Variants in MTRR observed in about 807,000 individuals in gnomAD.
The protein encoded by MTRR is 5-methyltetrahydrofolate-homocysteine methyltransferase reductase.
MTRR carries 63 observed loss-of-function variants against 79.2 expected under a neutral mutation model. That is an observed-to-expected ratio of 0.80 (90% CI 0.65 to 0.98). MTRR has a LOEUF of 0.98. MTRR is among the 50% of genes least tolerant of loss of function. The probability of loss-of-function intolerance (pLI) is 0.00; values close to 1 mark genes in which losing one functional copy is unlikely to be tolerated. For synonymous variants in MTRR, 355 were observed against 313.3 expected, an observed-to-expected ratio of 1.13 and a Z score of -1.41; for missense variants, 895 against 839.6, an observed-to-expected ratio of 1.07 and a Z score of -0.82.
intron 14 of MTRR, among the ~76,000 whole-genome samples, chr5:7,898,335 C>T (rs1237552945): frequency 2.6e-5 from 4 of 152,124 alleles, no homozygotes; most frequent in Non-Finnish European, 4.4e-5. Flanking sequence ...TTGTACAGAT[C>T]ACAGATATCT....
At chr5:7,883,498 C>T (rs1336006393) in intron 6 of MTRR, among the ~76,000 whole-genome samples, 1 of 122,664 alleles carries the variant, frequency 8.2e-6, no homozygotes, top group South Asian at 2.7e-4. Flanking sequence ...TGCTTGGTTA[C>T]ATATGCTGAG....
Position 7,869,201 on chromosome 5 carries a change from G to C in MTRR, c.-40G>C, listed in dbSNP as rs1259394820. 1.9e-6 allele frequency: 3 copies of C among 1,608,740 alleles called. No homozygotes were observed. Among genetic ancestry groups the C allele is most frequent in the East Asian group, 2.2e-5 (1 of 44,862 alleles). On this transcript the variant is annotated 5_prime_UTR_variant, in exon 1 of 15. Transcript: ENST00000440940. ...GTCGCGTTGTGCAGGTTCGTGCCCG[G>C]CTGGCGCGGCGTGGGTAAGCTGCCT...
At chr5:7,889,428 T>C (rs1737183007) in intron 9 of MTRR, among the ~76,000 whole-genome samples, 153 bp downstream of exon 9, 1 of 152,184 alleles carries the variant, frequency 6.6e-6, no homozygotes, top group African/African-American at 2.4e-5. Flanking sequence ...GATTGGTAAG[T>C]AAACATCTTA....
chr5:7,862,811 T>C (rs955919581), intron 2 of MTRR: 51 of 1,603,538 alleles, frequency 3.2e-5, no homozygotes, highest in Non-Finnish European at 4.3e-5. Flanking sequence ...CAAAACTCCT[T>C]ATACTACTTA....
chr5:7,891,903 G>A (rs1056502900), intron 10 of MTRR, among the ~76,000 whole-genome samples: 16 of 152,092 alleles, frequency 1.1e-4, no homozygotes, highest in South Asian at 6.2e-4. Context: ...TTAGCCGGGC[G>A]TGGTGGCAGG....
chr5:7,899,954 G>A lies in MTRR; in HGVS notation c.1993G>A (p.Val665Met). 8.7e-6 allele frequency: 14 copies of A among 1,614,164 alleles called. No individual in the cohort carries two copies. The highest frequency in any genetic ancestry group is 1.2e-5 in the Non-Finnish European group (14 of 1,180,026). ...GGCCAAGGATGTACATGATGCCCTT[G>A]TGCAAATAATAAGCAAAGAGGTTGG... ...NMAKDVHDALVQIISKEVGVE... is the reference protein window; with the variant it reads ...NMAKDVHDALMQIISKEVGVE... Residue 665 changes from valine (V) to methionine (M), a missense_variant, in exon 15 of 15, where the codon GTG (valine) becomes ATG (methionine). Val to Met is a conservative substitution (Grantham distance 21). Transcript: ENST00000440940.
In MTRR at chr5:7,900,708, ATTAC is replaced by A. The variant is rs1216449749; in HGVS notation, c.*653_*656del. The A allele has an allele frequency of 6.6e-6, 1 of 152,664 alleles. No homozygotes were observed. The highest frequency in any genetic ancestry group is 1.5e-5 in the Non-Finnish European group (1 of 68,094). 9.5% of individuals were successfully genotyped at this position (152,664 alleles called of 1,614,324 possible). A position where few individuals can be genotyped will look rare whatever the true frequency, so the allele number is the denominator to read the frequency against. On this transcript the variant is annotated 3_prime_UTR_variant, in exon 15 of 15. Coordinates refer to ENST00000440940, the MANE Select transcript of MTRR (RefSeq NM_002454.3). ...TCTGGCATATGATTTATCTATCACC[ATTAC>A]TTTTTTTTAAGTCACAATTTCAGAA...
intron 14 of MTRR, among the ~76,000 whole-genome samples, chr5:7,899,522 G>A (rs1389938472): frequency 2.0e-5 from 3 of 152,224 alleles, no homozygotes; most frequent in African/African-American, 7.2e-5. Flanking sequence ...GTGTGCGAGA[G>A]ATCTGGTTCC....
chr5:7,892,580 C>A (rs760174523), intron 10 of MTRR, 147 bp from the exon 11 acceptor site: 12 of 865,008 alleles, frequency 1.4e-5, no homozygotes, highest in Non-Finnish European at 2.0e-5. Flanking sequence ...TTTTTAATTA[C>A]GTAATAATGG....
rs371622287 is a variant in MTRR, at chr5:7,897,264, C to A, written c.1952+17C>A. On this transcript the variant is annotated intron_variant, in intron 14 of 14. Transcript: ENST00000440940. ...TGTGTGTGGGTGAGTCATTATCGTG[C>A]CTAAGTCGGGTAGGAGAGGGCCATC... 2.5e-6 allele frequency: 4 copies of A among 1,613,516 alleles called. No homozygotes were observed. The highest frequency in any genetic ancestry group is 2.5e-6 in the Non-Finnish European group (3 of 1,179,918).
At position 7,883,018 on chromosome 5, in the gene MTRR, C is replaced by T. The variant is rs1014320055; in HGVS notation, c.781-137C>T. ...GAAAAGCTAGCTCCATATATCTGCC[C>T]TCATTCATTTACCTTGGAAATGAAT... is the stretch of plus-strand genomic sequence containing the variant. On this transcript the variant is annotated intron_variant, in intron 5 of 14. Transcript: ENST00000440940. The T allele has an allele frequency of 9.3e-6, 10 of 1,070,910 alleles. No homozygotes were observed. In the African/African-American group the frequency reaches 1.3e-4, roughly 13 times the overall value. The allele number at this position is 1,070,910 out of a possible 1,614,324, so 66.3% of individuals were successfully genotyped here.
intron 11 of MTRR, among the ~76,000 whole-genome samples, chr5:7,894,956 A>G (rs554424442): frequency 1.3e-5 from 2 of 152,342 alleles, no homozygotes; most frequent in South Asian, 2.1e-4. Flanking sequence ...GTAATGAGAC[A>G]CAGCTTTGCC....
At chr5:7,879,494 G>T (rs1735204798) in intron 5 of MTRR, among the ~76,000 whole-genome samples, 1 of 150,000 alleles carries the variant, frequency 6.7e-6, no homozygotes, top group Admixed American at 6.6e-5. Context: ...AAGTTTCTGG[G>T]TTTTTTCTTA....
intron 1 of MTRR, among the ~76,000 whole-genome samples, chr5:7,854,505 A>G (rs374173379): frequency 2.6e-5 from 4 of 152,188 alleles, no homozygotes; most frequent in South Asian, 2.1e-4. Context: ...AGAGTTCCAC[A>G]TGGCTAGGGA....
At chr5:7,874,762 T>C (rs894481541) in intron 3 of MTRR, among the ~76,000 whole-genome samples, 3 of 152,138 alleles carry the variant, frequency 2.0e-5, no homozygotes, top group Non-Finnish European at 4.4e-5. Context: ...TATTTTAGGC[T>C]TTGCAGGCCT....
intron 1 of MTRR, among the ~76,000 whole-genome samples, chr5:7,855,500 C>A (rs556412190): frequency 6.6e-6 from 1 of 150,752 alleles, no homozygotes; most frequent in East Asian, 2.0e-4. Flanking sequence ...AATAGAGGAA[C>A]TTGCAAACTT....
chr5:7,866,917 G>T (rs752235876), upstream of MTRR: 17 of 1,614,044 alleles, frequency 1.1e-5, no homozygotes, highest in Admixed American at 2.8e-4. Context: ...CCACTGCATT[G>T]AGGATGGGTT....
In MTRR at chr5:7,897,258, A is replaced by G; in HGVS notation, c.1952+11A>G. 6.2e-7 allele frequency: 1 copy of G among 1,613,566 alleles called. No individual in the cohort carries two copies. The highest frequency in any genetic ancestry group is 8.5e-7 in the Non-Finnish European group (1 of 1,179,662). On this transcript the variant is annotated intron_variant, in intron 14 of 14. Transcript: ENST00000440940. ...TATTTATGTGTGTGGGTGAGTCATT[A>G]TCGTGCCTAAGTCGGGTAGGAGAGG...
intron 4 of MTRR, among the ~76,000 whole-genome samples, chr5:7,876,148 T>G (rs1734518316): frequency 6.8e-6 from 1 of 147,790 alleles, no homozygotes; most frequent in Non-Finnish European, 1.5e-5. Flanking sequence ...AGCAAATGTC[T>G]TGCTTTTCGG....
Sources: gnomAD v4.1 joint callset for allele counts (sites outside exome capture counted in the v4.1 genomes callset) on GRCh38, gnomAD v4.1.1 for gene constraint, MANE v1.5 for transcripts, NCBI Gene and HGNC (gene_info 2026-07-23, HGNC 2026-07-21) for gene names.